UBAP2: variants seen among roughly 807,000 people sequenced by gnomAD.
UBAP2 encodes ubiquitin associated protein 2, also known as ubiquitin-associated protein 2.
In UBAP2, 75 loss-of-function variants were observed where a neutral mutation model predicts 139.6. The ratio of observed to expected loss-of-function variants is 0.54; its 90% CI spans 0.45 to 0.65. The LOEUF is 0.65. Ranked by LOEUF, UBAP2 falls within the 30% of genes least tolerant of loss-of-function variation. The probability of loss-of-function intolerance (pLI) is 0.00; values close to 1 mark genes in which losing one functional copy is unlikely to be tolerated. For missense variants in UBAP2, 1,368 were observed against 1,369.6 expected, an observed-to-expected ratio of 1.00 and a Z score of 0.02; for synonymous variants, 526 against 526.2, an observed-to-expected ratio of 1.00 and a Z score of 0.01.
chr9:33,939,962 A>G (rs1216612804), intron 16 of UBAP2, among the ~76,000 whole-genome samples: 1 of 122,658 alleles, frequency 8.2e-6, no homozygotes, highest in African/African-American at 3.2e-5. Flanking sequence ...GGAAGGAAGA[A>G]GAAGAAAAAA....
intron 9 of UBAP2, among the ~76,000 whole-genome samples, chr9:33,963,198 A>G (rs1199541930): frequency 2.0e-5 from 3 of 152,194 alleles, no homozygotes; most frequent in Non-Finnish European, 4.4e-5. Flanking sequence ...ATAGAGTGGT[A>G]AGTCAGGAAA....
chr9:33,932,252 G>T (rs899464261), intron 19 of UBAP2, among the ~76,000 whole-genome samples: 2 of 151,182 alleles, frequency 1.3e-5, no homozygotes, highest in African/African-American at 4.8e-5. Context: ...TCTGAGTCAG[G>T]AAAGAAGGCA....
chr9:33,991,830 G>A (rs1183942524), intron 4 of UBAP2, among the ~76,000 whole-genome samples: 1 of 152,160 alleles, frequency 6.6e-6, no homozygotes, highest in East Asian at 1.9e-4. Context: ...TCCCAGAAGA[G>A]TTGGCATAAA....
At chr9:33,956,241 A>G in intron 10 of UBAP2, 95 bp from the exon 11 acceptor site, 1 of 802,088 alleles carries the variant, frequency 1.2e-6, no homozygotes, top group Middle Eastern at 3.3e-4. Context: ...GTAGTCTCTT[A>G]CACTTCGCAT....
Position 34,025,876 on chromosome 9 carries a change from G to A in UBAP2, c.-41-8687C>T, listed in dbSNP as rs186477050. 1.9e-3 allele frequency among the ~76,000 whole-genome samples: 294 copies of A among 152,176 alleles called. 1 individual carries two copies. The highest frequency in any genetic ancestry group is 3.3e-3 in the Non-Finnish European group (222 of 68,016). On this transcript the variant is annotated intron_variant, in intron 1 of 28. Coordinates refer to ENST00000379238, the MANE Select transcript of UBAP2 (RefSeq NM_001370062.2). The stretch of plus-strand genomic sequence containing the variant: ...ATTACAGGCCTGAGCTACCATGCCC[G>A]GTTTAACTGCTGTTTTTTTCAAGGA...
At chr9:33,977,507 A>T (rs1564041399) in intron 6 of UBAP2, among the ~76,000 whole-genome samples, 1 of 152,150 alleles carries the variant, frequency 6.6e-6, no homozygotes, top group Non-Finnish European at 1.5e-5. Context: ...AGATTAATCT[A>T]GCAGCTCAGA....
In UBAP2 at chr9:33,944,351, G is replaced by A; in HGVS notation, c.1545+14C>T. 1.2e-6 allele frequency: 2 copies of A among 1,608,132 alleles called. No individual in the cohort carries two copies. Among genetic ancestry groups the A allele is most frequent in the Non-Finnish European group, 1.7e-6 (2 of 1,175,176 alleles). On this transcript the variant is annotated intron_variant, in intron 14 of 28. Transcript: ENST00000379238. ...TCCAGCTTTAGGACGGTGACTTCATGATGAAATGCCCACCTTAGAAGCTGG... is the reference window on the plus strand; with the variant it reads ...TCCAGCTTTAGGACGGTGACTTCATAATGAAATGCCCACCTTAGAAGCTGG...
chr9:33,936,052 C>CA (rs1336991210), intron 16 of UBAP2, among the ~76,000 whole-genome samples, 174 bp from the exon 17 acceptor site: 1 of 152,032 alleles, frequency 6.6e-6, no homozygotes, highest in African/African-American at 2.4e-5. Flanking sequence ...CAAAAATGTT[C>CA]AAAAAAATTT....
intron 1 of UBAP2, among the ~76,000 whole-genome samples, chr9:34,019,798 CATCA>C (rs917743329): frequency 6.6e-6 from 1 of 151,808 alleles, no homozygotes; most frequent in Non-Finnish European, 1.5e-5. Flanking sequence ...GAAATATACC[CATCA>C]ATCAGAAACA....
Position 33,924,069 on chromosome 9 carries a change from A to C in UBAP2, c.2591-69T>G, listed in dbSNP as rs1000679777. The C allele has an allele frequency of 2.5e-6, 4 of 1,599,006 alleles. No homozygotes were observed. In the African/African-American group the frequency reaches 4.0e-5, roughly 16 times the overall value. Reference sequence around the variant, plus strand: ...AGAGAAAGGCCACACTGGCTTCTGCAAACAGGAACAGGTCTGGCTGCCAGC... The same window carrying C: ...AGAGAAAGGCCACACTGGCTTCTGCCAACAGGAACAGGTCTGGCTGCCAGC... On this transcript the variant is annotated intron_variant, in intron 23 of 28. Coordinates refer to ENST00000379238, the MANE Select transcript of UBAP2 (RefSeq NM_001370062.2).
At chr9:34,023,610 C>T (rs1057251567) in intron 1 of UBAP2, among the ~76,000 whole-genome samples, 1 of 152,156 alleles carries the variant, frequency 6.6e-6, no homozygotes, top group Non-Finnish European at 1.5e-5. Context: ...GGTTGCATGG[C>T]TAAACCAGAA....
chr9:33,968,229 C>A lies in UBAP2; in HGVS notation c.679+3422G>T, dbSNP rs1462567854. The A allele has an allele frequency of 6.4e-6, 4 of 620,684 alleles. No homozygotes were observed. In the East Asian group the frequency reaches 1.6e-4, roughly 24 times the overall value. The allele number at this position is 620,684 out of a possible 1,614,324, so 38.4% of individuals were successfully genotyped here. The stretch of plus-strand genomic sequence containing the variant: ...TGGTACAGGATTATGAAACCTAAAC[C>A]CTCCATTGTAAACAGGAAGCTGGAT... On this transcript the variant is annotated intron_variant, in intron 8 of 28. Coordinates refer to ENST00000379238, the MANE Select transcript of UBAP2 (RefSeq NM_001370062.2).
At chr9:34,013,498 T>C (rs990533784) in intron 2 of UBAP2, among the ~76,000 whole-genome samples, 2 of 149,350 alleles carry the variant, frequency 1.3e-5, no homozygotes, top group African/African-American at 4.9e-5. Context: ...TCTCAAAAAA[T>C]AAAAAACTCT....
chr9:34,043,202 G>C (rs891558387), intron 1 of UBAP2, among the ~76,000 whole-genome samples: 18 of 152,058 alleles, frequency 1.2e-4, no homozygotes, highest in African/African-American at 4.3e-4. Flanking sequence ...TTCTGAGACA[G>C]GGTCTGTCAC....
At chr9:33,970,878 T>C (rs960593066) in intron 8 of UBAP2, among the ~76,000 whole-genome samples, 1 of 152,166 alleles carries the variant, frequency 6.6e-6, no homozygotes, top group Admixed American at 6.5e-5. Context: ...TCTCGGCTCA[T>C]TGCAACCTCC....
chr9:33,976,075 T>C (rs1159577380), intron 6 of UBAP2, among the ~76,000 whole-genome samples: 2 of 149,680 alleles, frequency 1.3e-5, no homozygotes, highest in Non-Finnish European at 2.9e-5. Flanking sequence ...TAATAAATGT[T>C]TTTTTAAGAA....
intron 1 of UBAP2, among the ~76,000 whole-genome samples, chr9:34,021,550 T>G (rs1415887546): frequency 3.9e-5 from 6 of 152,152 alleles, no homozygotes. Context: ...TATGAATAAA[T>G]GCATACGAAC....
At chr9:33,996,502 C>T (rs1587632388) in intron 3 of UBAP2, 169 bp from the exon 4 acceptor site, 1 of 560,438 alleles carries the variant, frequency 1.8e-6, no homozygotes. Flanking sequence ...TGTGGCCATT[C>T]CATGCATGTC....
rs1313422832 is a variant in UBAP2, at chr9:33,941,733, G to C, written c.1845C>G (p.Ser615=). The change falls in exon 16 of 29, where the codon TCC becomes TCG. Residue 615 remains serine, a synonymous_variant. Transcript: ENST00000379238. ...TATGCACAGAACTCTGGTCATAAGA[G>C]GAAGACATTGCTACTGGACTAGCAG... ...LNSASPVAMS[S]SYDQSSVHNR... is the part of the protein sequence containing the mutation. 6.2e-7 allele frequency: 1 copy of C among 1,614,144 alleles called. No homozygotes were observed. The highest frequency in any genetic ancestry group is 8.5e-7 in the Non-Finnish European group (1 of 1,180,018).
Sources: allele counts gnomAD v4.1 joint callset (sites outside exome capture counted in the v4.1 genomes callset), GRCh38; gene constraint gnomAD v4.1.1; transcripts MANE v1.5; gene names NCBI Gene and HGNC (gene_info 2026-07-23, HGNC 2026-07-21).